The following CDH13 variants were observed in gnomAD, a reference collection of about 807,000 sequenced individuals.
The protein encoded by CDH13 is cadherin 13, also known as cadherin-13.
Under a neutral mutation model 63.8 loss-of-function variants are expected in CDH13, and 24 were observed. That is an observed-to-expected ratio of 0.38 (90% confidence interval 0.27 to 0.53). The LOEUF is 0.53. CDH13 is among the 20% of genes least tolerant of loss of function. CDH13 has a pLI of 0.85. For missense variants in CDH13, 1,049 were observed against 903.1 expected (o/e 1.16, Z -2.07); for synonymous variants, 503 against 355.3 (o/e 1.42, Z -4.67).
At chr16:83,788,576 C>T (rs1195233274) in intron 13 of CDH13, among the ~76,000 whole-genome samples, 3 of 152,004 alleles carry the variant, frequency 2.0e-5, no homozygotes, top group African/African-American at 7.3e-5. Flanking sequence ...TGACAATCAT[C>T]AGCAGGTTGC....
intron 1 of CDH13, among the ~76,000 whole-genome samples, chr16:82,649,729 GA>G (rs745358470): frequency 2.6e-5 from 4 of 152,090 alleles, no homozygotes; most frequent in Admixed American, 6.6e-5. Context: ...AGAAGACATG[GA>G]AAAATGGAAA....
intron 5 of CDH13, among the ~76,000 whole-genome samples, chr16:83,241,889 C>A (rs1904487677): frequency 6.6e-6 from 1 of 152,130 alleles, no homozygotes; most frequent in South Asian, 2.1e-4. Context: ...CTTTTTGTGT[C>A]ATATATAAGA....
At chr16:82,858,077 A>T (rs2039776645) in intron 1 of CDH13, among the ~76,000 whole-genome samples, 1 of 152,234 alleles carries the variant, frequency 6.6e-6, no homozygotes, top group South Asian at 2.1e-4. Flanking sequence ...AAAATTTCAC[A>T]CATGGAAACC....
chr16:83,765,561 C>G (rs373654549), intron 11 of CDH13, among the ~76,000 whole-genome samples: 2 of 109,878 alleles, frequency 1.8e-5, no homozygotes, highest in African/African-American at 5.9e-5. Context: ...TATACACACA[C>G]ACAAAGAGAG....
chr16:82,715,335 T>A (rs1007708976), intron 1 of CDH13, among the ~76,000 whole-genome samples: 1 of 122,624 alleles, frequency 8.2e-6, no homozygotes, highest in African/African-American at 3.5e-5. Flanking sequence ...CCTGCAGTGC[T>A]TATAGCCAAG....
At chr16:83,111,204 A>C (rs1368118041) in intron 3 of CDH13, among the ~76,000 whole-genome samples, 1 of 152,022 alleles carries the variant, frequency 6.6e-6, no homozygotes. Context: ...AATGGCAAGG[A>C]ATAAAATTTG....
At chr16:82,898,117 A>G (rs758534701) in intron 2 of CDH13, among the ~76,000 whole-genome samples, 1 of 152,268 alleles carries the variant, frequency 6.6e-6, no homozygotes, top group Non-Finnish European at 1.5e-5. Flanking sequence ...TAGTTTTTAT[A>G]CTGATTACAT....
At chr16:83,052,122 C>T (rs756829101) in intron 3 of CDH13, among the ~76,000 whole-genome samples, 4 of 152,070 alleles carry the variant, frequency 2.6e-5, no homozygotes, top group Admixed American at 6.5e-5. Flanking sequence ...ATGAATGATC[C>T]GTATGCCATG....
intron 3 of CDH13, among the ~76,000 whole-genome samples, chr16:83,040,376 A>G (rs1229657907): frequency 6.6e-6 from 1 of 152,202 alleles, no homozygotes; most frequent in Non-Finnish European, 1.5e-5. Flanking sequence ...CTGAGAAGCC[A>G]GGAAGTCAGT....
intron 6 of CDH13, among the ~76,000 whole-genome samples, chr16:83,434,873 G>A (rs576287668): frequency 1.3e-5 from 1 of 76,600 alleles, no homozygotes; most frequent in Non-Finnish European, 2.7e-5. Context: ...GTGTGTGTGT[G>A]TGTGTGTGTA....
intron 6 of CDH13, among the ~76,000 whole-genome samples, chr16:83,394,232 C>T (rs1203041806): frequency 6.6e-6 from 1 of 151,642 alleles, no homozygotes; most frequent in Admixed American, 6.6e-5. Flanking sequence ...ACATGTACCC[C>T]TGAACCTAAA....
intron 1 of CDH13, among the ~76,000 whole-genome samples, chr16:82,677,151 G>T (rs1914021189): frequency 6.6e-6 from 1 of 152,202 alleles, no homozygotes; most frequent in Non-Finnish European, 1.5e-5. Flanking sequence ...CAAAGTGGTG[G>T]AATTATAGGA....
chr16:83,317,307 G>A (rs555295375), intron 5 of CDH13, among the ~76,000 whole-genome samples: 2 of 152,304 alleles, frequency 1.3e-5, no homozygotes, highest in South Asian at 4.1e-4. Flanking sequence ...GAAAGCCTTT[G>A]CTGGTGTCAC....
chr16:83,393,118 T>G (rs968140712), intron 6 of CDH13, among the ~76,000 whole-genome samples: 7 of 152,094 alleles, frequency 4.6e-5, no homozygotes, highest in African/African-American at 1.7e-4. Context: ...CACCAATATC[T>G]AGATAAAGTG....
chr16:83,665,009 C>A (rs1416572673), intron 8 of CDH13, among the ~76,000 whole-genome samples: 1 of 152,164 alleles, frequency 6.6e-6, no homozygotes, highest in Non-Finnish European at 1.5e-5. Flanking sequence ...ATTGTTGTAT[C>A]TTTCCGCCAT....
At chr16:82,768,790 C>T (rs897295748) in intron 1 of CDH13, among the ~76,000 whole-genome samples, 1 of 152,200 alleles carries the variant, frequency 6.6e-6, no homozygotes, top group Non-Finnish European at 1.5e-5. Flanking sequence ...TCTAACCCAG[C>T]AGACCATCCT....
intron 10 of CDH13, among the ~76,000 whole-genome samples, chr16:83,694,586 T>G (rs1024381606): frequency 1.3e-5 from 2 of 152,136 alleles, no homozygotes; most frequent in Non-Finnish European, 2.9e-5. Flanking sequence ...AGGTGAGAGG[T>G]AAACATTTGC....
At chr16:83,221,085 T>C (rs950171965) in intron 5 of CDH13, among the ~76,000 whole-genome samples, 1 of 152,232 alleles carries the variant, frequency 6.6e-6, no homozygotes, top group Admixed American at 6.5e-5. Flanking sequence ...TTGGGATCCA[T>C]ATCCATTTCT....
chr16:83,226,591 C>A (rs1056916586), intron 5 of CDH13, among the ~76,000 whole-genome samples: 1 of 152,284 alleles, frequency 6.6e-6, no homozygotes, highest in East Asian at 1.9e-4. Flanking sequence ...AGTTGTCTAA[C>A]TACAACCAGG....
Sources: allele counts gnomAD v4.1 joint callset (sites outside exome capture counted in the v4.1 genomes callset), GRCh38; gene constraint gnomAD v4.1.1; transcripts MANE v1.5; gene names NCBI Gene and HGNC (gene_info 2026-07-23, HGNC 2026-07-21).